Variants in EFHB observed in about 807,000 individuals in gnomAD.
EFHB encodes the protein EF-hand domain-containing family member B.
In EFHB, 91 loss-of-function variants were observed where a neutral mutation model predicts 87.2. That is an observed-to-expected ratio of 1.04 (90% confidence interval 0.88 to 1.24). EFHB has a LOEUF of 1.24. EFHB is among the 50% of genes most tolerant of loss of function. EFHB has a pLI of 0.00. For synonymous variants in EFHB, 325 were observed against 333.6 expected (o/e 0.97, Z 0.28); for missense variants, 1,084 against 998.8 (o/e 1.09, Z -1.15).
At chr3:19,938,529 T>C (rs1186949396), upstream of EFHB, among the ~76,000 whole-genome samples, 1 of 152,182 alleles carries the variant, frequency 6.6e-6, no homozygotes, top group Admixed American at 6.5e-5. Flanking sequence ...TATATGGGTG[T>C]TCACAGTACA....
intron 1 of EFHB, chr3:19,941,186 G>T: frequency 2.7e-6 from 1 of 368,516 alleles, no homozygotes; most frequent in South Asian, 3.3e-5. Context: ...AAAATATCAT[G>T]AATCTGTGAC....
intron 1 of EFHB, 56 bp downstream of exon 1, chr3:19,933,174 A>T (rs1393917964): frequency 6.6e-7 from 1 of 1,506,110 alleles, no homozygotes; most frequent in African/African-American, 1.4e-5. Context: ...TTATCATCTC[A>T]ATAAAGACAT....
At chr3:19,893,951 G>C (rs1023529204) in intron 9 of EFHB, among the ~76,000 whole-genome samples, 4 of 152,222 alleles carry the variant, frequency 2.6e-5, no homozygotes. Flanking sequence ...AGTTAACAAT[G>C]TTTACATATT....
At chr3:19,943,996 A>C in intron 1 of EFHB, among the ~76,000 whole-genome samples, 1 of 152,242 alleles carries the variant, frequency 6.6e-6, no homozygotes, top group Non-Finnish European at 1.5e-5. Context: ...GAAGTCCCTT[A>C]GGTAGATGAC....
intron 9 of EFHB, among the ~76,000 whole-genome samples, chr3:19,889,289 G>A (rs187669357): frequency 8.1e-4 from 124 of 152,286 alleles, no homozygotes; most frequent in Non-Finnish European, 1.4e-3. Flanking sequence ...CACAATGTTC[G>A]TTAAGGAAGA....
chr3:19,908,587 AG>A (rs1559459641), intron 5 of EFHB, among the ~76,000 whole-genome samples: 195 of 124,964 alleles, frequency 1.6e-3, no homozygotes, highest in African/African-American at 3.1e-3. Context: ...AGAGAGAGAG[AG>A]AGAGAGAGAG....
Position 19,930,718 on chromosome 3 carries a change from C to T in EFHB, c.789+2512G>A, listed in dbSNP as rs534624463. Among the ~76,000 whole-genome samples, 7 of 152,292 alleles carry T rather than the reference C, an allele frequency of 4.6e-5. No individual in the cohort carries two copies. In the South Asian group the frequency reaches 1.4e-3, roughly 32 times the overall value. On this transcript the variant is annotated intron_variant, in intron 1 of 12. Transcript: ENST00000295824. Reference sequence around the variant, plus strand: ...AACTCCCAGGCTCAAATGATCTTCGCACCTCTCCCAAGTAGCTAGGACTAC... The same window carrying T: ...AACTCCCAGGCTCAAATGATCTTCGTACCTCTCCCAAGTAGCTAGGACTAC...
intron 6 of EFHB, among the ~76,000 whole-genome samples, chr3:19,901,770 C>A (rs547786183): frequency 6.6e-6 from 1 of 151,970 alleles, no homozygotes; most frequent in African/African-American, 2.4e-5. Context: ...GCCCACATGG[C>A]AAAACCCCAT....
chr3:19,918,979 CA>C (rs11356910), intron 3 of EFHB, among the ~76,000 whole-genome samples: 24,895 of 75,856 alleles, frequency 0.33, 3,591 homozygotes, highest in African/African-American at 0.59. Context: ...GACTCAGTCT[CA>C]AAAAAAAAAA....
At position 19,884,636 on chromosome 3, in the gene EFHB, A is replaced by G; in HGVS notation, c.1934-21T>C. The G allele has an allele frequency of 1.9e-6, 3 of 1,605,106 alleles. No homozygotes were observed. In the South Asian group the frequency reaches 3.3e-5, roughly 18 times the overall value. On this transcript the variant is annotated intron_variant, in intron 10 of 12. Coordinates refer to ENST00000295824, the MANE Select transcript of EFHB (RefSeq NM_144715.4). ...TCTACCTTTAAGGAAAATAAATGAA[A>G]GAAAAAATGCAGGAATACATTACTA...
At chr3:19,898,952 C>G (rs1489567947) in intron 7 of EFHB, 107 bp from the exon 8 acceptor site, 3 of 1,095,814 alleles carry the variant, frequency 2.7e-6, no homozygotes, top group Non-Finnish European at 4.0e-6. Context: ...TATCTCATAA[C>G]CAAACTATGA....
At chr3:19,900,070 C>G (rs1352783455) in intron 6 of EFHB, among the ~76,000 whole-genome samples, 5 of 151,714 alleles carry the variant, frequency 3.3e-5, no homozygotes, top group Non-Finnish European at 7.4e-5. Flanking sequence ...GAGACCCTGT[C>G]TCAAAAAAAT....
At chr3:19,925,412 A>G (rs1190852475) in intron 1 of EFHB, among the ~76,000 whole-genome samples, 1 of 152,164 alleles carries the variant, frequency 6.6e-6, no homozygotes, top group Non-Finnish European at 1.5e-5. Flanking sequence ...ACCTCTAATC[A>G]CAATCCAACA....
intron 10 of EFHB, 74 bp downstream of exon 10, chr3:19,888,370 G>A: frequency 1.2e-6 from 1 of 850,770 alleles, no homozygotes; most frequent in Non-Finnish European, 1.5e-6. Context: ...GACCTCGTCT[G>A]TATTAAAAAT....
At chr3:19,926,784 C>T (rs1695645809) in intron 1 of EFHB, among the ~76,000 whole-genome samples, 1 of 152,052 alleles carries the variant, frequency 6.6e-6, no homozygotes, top group Admixed American at 6.6e-5. Context: ...CCTCAGCCTC[C>T]TGAGTAGCTG....
rs143418028 is a variant in EFHB at position 19,927,947 on chromosome 3, T to G, written c.789+5283A>C. On this transcript the variant is annotated intron_variant, in intron 1 of 12. Transcript: ENST00000295824. ...ATAAACAAATACTATAGTATATATA[T>G]AGTATATACTATATATATAGTAAAT... 9.9e-3 allele frequency among the ~76,000 whole-genome samples: 1,479 copies of G among 148,648 alleles called. 10 individuals are homozygous for G. The highest frequency in any genetic ancestry group is 0.016 in the Non-Finnish European group (1,084 of 67,352).
At chr3:19,901,510 A>G (rs1017925615) in intron 6 of EFHB, among the ~76,000 whole-genome samples, 1 of 152,236 alleles carries the variant, frequency 6.6e-6, no homozygotes, top group Admixed American at 6.5e-5. Context: ...CACTCTGTGG[A>G]GGAACAAAAG....
chr3:19,927,766 G>A (rs1695680537), intron 1 of EFHB, among the ~76,000 whole-genome samples: 1 of 151,918 alleles, frequency 6.6e-6, no homozygotes, highest in South Asian at 2.1e-4. Flanking sequence ...TCACCCAAAT[G>A]CACTTCCTTC....
At chr3:19,913,996 T>G (rs80327903) in intron 5 of EFHB, among the ~76,000 whole-genome samples, 1 of 152,250 alleles carries the variant, frequency 6.6e-6, no homozygotes, top group East Asian at 1.9e-4. Context: ...AAGCCTAGAG[T>G]GCAGTAGTGC....
Sources: gnomAD v4.1 joint callset for allele counts (sites outside exome capture counted in the v4.1 genomes callset) on GRCh38, gnomAD v4.1.1 for gene constraint, MANE v1.5 for transcripts, NCBI Gene and HGNC (gene_info 2026-07-23, HGNC 2026-07-21) for gene names.